The following RPS6KC1 variants were observed in gnomAD, a reference collection of about 807,000 sequenced individuals.
RPS6KC1 encodes inactive ribosomal protein S6 kinase delta-1.
A neutral mutation model predicts 103.8 loss-of-function variants in RPS6KC1; 54 were observed. The observed-to-expected ratio is 0.52, with a 90% confidence interval of 0.42 to 0.65. The LOEUF (loss-of-function observed/expected upper bound fraction) is 0.65, where lower values mean the gene tolerates loss of function less well. Ranked by LOEUF, RPS6KC1 falls within the 30% of genes least tolerant of loss-of-function variation. RPS6KC1 has a pLI of 0.00. For missense variants in RPS6KC1, 1,151 were observed against 1,253.8 expected, an observed-to-expected ratio of 0.92 and a Z score of 1.24; for synonymous variants, 439 against 438.7, an observed-to-expected ratio of 1.00 and a Z score of -0.01.
At chr1:213,104,357 A>C in intron 3 of RPS6KC1, 97 bp from the exon 4 acceptor site, 3 of 700,220 alleles carry the variant, frequency 4.3e-6, no homozygotes, top group Non-Finnish European at 7.4e-6. Context: ...CAACTAAGTG[A>C]TAGGCCTGCT....
At chr1:213,238,755 C>T (rs982901490) in intron 10 of RPS6KC1, among the ~76,000 whole-genome samples, 9 of 152,106 alleles carry the variant, frequency 5.9e-5, no homozygotes, top group African/African-American at 1.9e-4. Flanking sequence ...ATTGCTTATA[C>T]GGTACATCTC....
chr1:213,201,568 A>G (rs1018235746), intron 8 of RPS6KC1, among the ~76,000 whole-genome samples: 2 of 152,218 alleles, frequency 1.3e-5, no homozygotes, highest in Non-Finnish European at 2.9e-5. Flanking sequence ...ATAGAACCCT[A>G]ATAGAAACTG....
At chr1:213,541,122 T>C in the RPS6KC1 span, among the ~76,000 whole-genome samples, 17 of 31,432 alleles carry the variant, frequency 5.4e-4, no homozygotes, top group Non-Finnish European at 8.8e-5. Context: ...CCTGTTACTG[T>C]TGCTATCCTA....
chr1:213,285,189 G>A, the RPS6KC1 span, among the ~76,000 whole-genome samples: 1 of 152,150 alleles, frequency 6.6e-6, no homozygotes, highest in Non-Finnish European at 1.5e-5. Context: ...TGTAGACGCC[G>A]GCTTGCTGTG....
chr1:213,340,768 G>A, the RPS6KC1 span, among the ~76,000 whole-genome samples: 1 of 152,210 alleles, frequency 6.6e-6, no homozygotes, highest in Non-Finnish European at 1.5e-5. Context: ...TTCCCTCTAT[G>A]TTGACAATGC....
chr1:213,179,573 G>GA (rs921614416), intron 8 of RPS6KC1, among the ~76,000 whole-genome samples: 1 of 152,164 alleles, frequency 6.6e-6, no homozygotes, highest in Non-Finnish European at 1.5e-5. Flanking sequence ...CAAAAGGTTA[G>GA]AAAATAGCCA....
At chr1:213,543,353 G>A in the RPS6KC1 span, among the ~76,000 whole-genome samples, 1 of 152,204 alleles carries the variant, frequency 6.6e-6, no homozygotes, top group East Asian at 1.9e-4. Flanking sequence ...AGAGGCAACA[G>A]GGGAGGAGGA....
chr1:213,760,614 T>C, the RPS6KC1 span, among the ~76,000 whole-genome samples: 3 of 152,214 alleles, frequency 2.0e-5, no homozygotes, highest in Non-Finnish European at 4.4e-5. Context: ...TCGTTTTGTT[T>C]CAGGAAAATA....
At chr1:213,113,753 G>C (rs963121438) in intron 4 of RPS6KC1, among the ~76,000 whole-genome samples, 5 of 152,172 alleles carry the variant, frequency 3.3e-5, no homozygotes, top group African/African-American at 1.2e-4. Context: ...GTAAGGAAGG[G>C]ATCCAGTTTC....
chr1:213,496,723 A>T, the RPS6KC1 span, among the ~76,000 whole-genome samples: 1 of 151,976 alleles, frequency 6.6e-6, no homozygotes, highest in Non-Finnish European at 1.5e-5. Context: ...ACACCACTGC[A>T]CTCCAGCCTG....
chr1:213,385,644 A>G, the RPS6KC1 span, among the ~76,000 whole-genome samples: 2 of 152,198 alleles, frequency 1.3e-5, no homozygotes, highest in African/African-American at 2.4e-5. Context: ...GGACCTATGT[A>G]CTGACTTGGA....
the RPS6KC1 span, among the ~76,000 whole-genome samples, chr1:213,592,192 G>A: frequency 1.3e-5 from 2 of 152,082 alleles, no homozygotes; most frequent in East Asian, 3.9e-4. Flanking sequence ...TGAGTTACTG[G>A]GTGGAAGGAA....
chr1:213,198,349 G>A (rs554417449), intron 8 of RPS6KC1, among the ~76,000 whole-genome samples: 2 of 152,212 alleles, frequency 1.3e-5, no homozygotes, highest in East Asian at 3.9e-4. Flanking sequence ...TTCTTTTATA[G>A]GTTACTTGAT....
At chr1:213,140,565 G>C (rs1338450586) in intron 6 of RPS6KC1, among the ~76,000 whole-genome samples, 1 of 152,010 alleles carries the variant, frequency 6.6e-6, no homozygotes, top group South Asian at 2.1e-4. Context: ...GAATTTTATC[G>C]ACAGCCTTTT....
At chr1:213,223,566 C>T (rs548760441) in intron 8 of RPS6KC1, among the ~76,000 whole-genome samples, 4 of 152,250 alleles carry the variant, frequency 2.6e-5, no homozygotes, top group African/African-American at 9.6e-5. Flanking sequence ...GAGTAGTATT[C>T]TATGGAGTAT....
chr1:213,582,784 T>C, the RPS6KC1 span, among the ~76,000 whole-genome samples: 2 of 152,334 alleles, frequency 1.3e-5, no homozygotes, highest in Non-Finnish European at 2.9e-5. Context: ...TTATTTACAA[T>C]AAAATACACT....
At chr1:213,601,110 G>A in the RPS6KC1 span, among the ~76,000 whole-genome samples, 1 of 152,088 alleles carries the variant, frequency 6.6e-6, no homozygotes, top group Admixed American at 6.5e-5. Flanking sequence ...AGAAGCAGGT[G>A]AAAAAATTTG....
the RPS6KC1 span, among the ~76,000 whole-genome samples, chr1:213,611,077 G>A: frequency 5.3e-5 from 8 of 152,220 alleles, no homozygotes; most frequent in Non-Finnish European, 8.8e-5. Flanking sequence ...CAACAATATT[G>A]CAAGCTTTTT....
chr1:213,137,298 A>G (rs961954861), intron 6 of RPS6KC1, among the ~76,000 whole-genome samples: 1 of 150,858 alleles, frequency 6.6e-6, no homozygotes, highest in Non-Finnish European at 1.5e-5. Context: ...TTTCGAGCCT[A>G]TAAAGCCTGT....
Sources: gnomAD v4.1 joint callset for allele counts (sites outside exome capture counted in the v4.1 genomes callset) on GRCh38, gnomAD v4.1.1 for gene constraint, MANE v1.5 for transcripts, NCBI Gene and HGNC (gene_info 2026-07-23, HGNC 2026-07-21) for gene names.